Variants in PCDH15 observed in about 807,000 individuals in gnomAD.
The protein encoded by PCDH15 is protocadherin related 15.
A neutral mutation model predicts 178.5 loss-of-function variants in PCDH15; 129 were observed. That is an observed-to-expected ratio of 0.72 (90% CI 0.63 to 0.84). The LOEUF (loss-of-function observed/expected upper bound fraction) is 0.84, where lower values mean the gene tolerates loss of function less well. Ranked by LOEUF, PCDH15 falls within the 40% of genes least tolerant of loss-of-function variation. The probability of loss-of-function intolerance (pLI) is 0.00; values close to 1 mark genes in which losing one functional copy is unlikely to be tolerated. For synonymous variants in PCDH15, 800 were observed against 732.0 expected, an observed-to-expected ratio of 1.09 and a Z score of -1.50; for missense variants, 2,230 against 2,099.9, an observed-to-expected ratio of 1.06 and a Z score of -1.21.
At chr10:54,266,258 C>A (rs1010481717) in intron 8 of PCDH15, among the ~76,000 whole-genome samples, 2 of 151,452 alleles carry the variant, frequency 1.3e-5, no homozygotes, top group Non-Finnish European at 3.0e-5. Context: ...ACTTTTTAAA[C>A]AAATGAAAAC....
At chr10:55,516,557 T>C (rs1035657219) in intron 2 of PCDH15, among the ~76,000 whole-genome samples, 2 of 152,152 alleles carry the variant, frequency 1.3e-5, no homozygotes, top group Non-Finnish European at 2.9e-5. Context: ...CCCTTGGAGA[T>C]GGCAGAAGAC....
intron 2 of PCDH15, among the ~76,000 whole-genome samples, chr10:55,108,464 A>G (rs1043811219): frequency 6.6e-6 from 1 of 152,212 alleles, no homozygotes; most frequent in Non-Finnish European, 1.5e-5. Flanking sequence ...AAATGACTAA[A>G]TATGCAAAGT....
intron 15 of PCDH15, among the ~76,000 whole-genome samples, chr10:54,105,277 GATATATATATATATATATATATATATAT>G (rs55696020): frequency 3.3e-5 from 3 of 90,472 alleles, no homozygotes; most frequent in African/African-American, 7.5e-5. Context: ...TATAGATGGA[GATATATATATATATATATATATATATAT>G]ATATATATAT....
intron 1 of PCDH15, among the ~76,000 whole-genome samples, chr10:55,203,587 T>C (rs1001321048): frequency 6.6e-6 from 1 of 152,080 alleles, no homozygotes; most frequent in African/African-American, 2.4e-5. Context: ...TTTTCTGTCA[T>C]CTCAGAATAA....
intron 2 of PCDH15, among the ~76,000 whole-genome samples, chr10:55,438,419 A>G (rs1262866048): frequency 6.6e-6 from 1 of 152,178 alleles, no homozygotes; most frequent in Non-Finnish European, 1.5e-5. Context: ...CCAGCTCAGT[A>G]TCTACATTGT....
At chr10:55,077,020 G>A (rs1841909570) in intron 2 of PCDH15, among the ~76,000 whole-genome samples, 1 of 151,796 alleles carries the variant, frequency 6.6e-6, no homozygotes, top group African/African-American at 2.4e-5. Context: ...GCCCGCCTCA[G>A]CCTCCCAAAG....
chr10:54,663,087 G>A (rs1159776002), intron 2 of PCDH15, among the ~76,000 whole-genome samples: 2 of 151,904 alleles, frequency 1.3e-5, no homozygotes, highest in Admixed American at 6.6e-5. Context: ...GAATTATTTT[G>A]CAAATCCCAA....
chr10:54,290,861 T>C (rs1591616662), intron 8 of PCDH15, among the ~76,000 whole-genome samples: 1 of 152,126 alleles, frequency 6.6e-6, no homozygotes, highest in African/African-American at 2.4e-5. Context: ...CCTAAATATA[T>C]ATGCACCTAA....
At chr10:54,163,078 A>C in intron 13 of PCDH15, among the ~76,000 whole-genome samples, 1 of 152,158 alleles carries the variant, frequency 6.6e-6, no homozygotes, top group Non-Finnish European at 1.5e-5. Context: ...CTCAAGGGCA[A>C]TTATAAGGAT....
chr10:55,464,062 A>AAAG (rs1839774090), intron 2 of PCDH15, among the ~76,000 whole-genome samples: 1 of 124,156 alleles, frequency 8.1e-6, no homozygotes, highest in Non-Finnish European at 1.7e-5. Flanking sequence ...AGAAAGAAAG[A>AAAG]AAAGGAAAGA....
intron 15 of PCDH15, among the ~76,000 whole-genome samples, chr10:54,125,708 A>C (rs1473875473): frequency 6.6e-6 from 1 of 152,122 alleles, no homozygotes. Context: ...CTTTGTTGGG[A>C]GTATTAAAAA....
chr10:55,622,488 T>A (rs1231490867), intron 2 of PCDH15, among the ~76,000 whole-genome samples: 1 of 152,060 alleles, frequency 6.6e-6, no homozygotes, highest in South Asian at 2.1e-4. Context: ...GATTTGTTCA[T>A]CTTCAAAACA....
intron 2 of PCDH15, among the ~76,000 whole-genome samples, chr10:55,056,653 G>A (rs1841313580): frequency 7.3e-6 from 1 of 137,020 alleles, no homozygotes; most frequent in Non-Finnish European, 1.6e-5. Context: ...AATATTTTGA[G>A]ACGGAGTCTT....
chr10:54,907,594 T>C (rs1036498085), intron 2 of PCDH15, among the ~76,000 whole-genome samples: 1 of 152,144 alleles, frequency 6.6e-6, no homozygotes, highest in East Asian at 1.9e-4. Flanking sequence ...CTATTGTCAT[T>C]GTTAAGGCCC....
At chr10:54,601,327 T>G (rs1001612671) in intron 2 of PCDH15, among the ~76,000 whole-genome samples, 3 of 148,802 alleles carry the variant, frequency 2.0e-5, no homozygotes, top group African/African-American at 7.3e-5. Context: ...TTTAAACAAA[T>G]TTACAGGAAA....
chr10:54,928,348 T>TTC (rs1837682954), intron 2 of PCDH15, among the ~76,000 whole-genome samples: 1 of 152,100 alleles, frequency 6.6e-6, no homozygotes, highest in South Asian at 2.1e-4. Flanking sequence ...GACCTGACCT[T>TTC]TCTCTCTAGC....
intron 15 of PCDH15, among the ~76,000 whole-genome samples, chr10:54,096,061 C>A (rs915522279): frequency 6.6e-6 from 1 of 152,112 alleles, no homozygotes; most frequent in Admixed American, 6.6e-5. Context: ...CCCTATTTTA[C>A]ACATAATAAA....
chr10:53,938,092 G>T (rs2085731269), intron 25 of PCDH15, among the ~76,000 whole-genome samples: 1 of 151,982 alleles, frequency 6.6e-6, no homozygotes, highest in Admixed American at 6.6e-5. Flanking sequence ...AGCATTTATT[G>T]CATTATTGAT....
At chr10:54,484,409 G>A (rs1347875585) in intron 3 of PCDH15, among the ~76,000 whole-genome samples, 4 of 151,840 alleles carry the variant, frequency 2.6e-5, no homozygotes, top group East Asian at 1.9e-4. Context: ...CCCAGTTAGC[G>A]TGTTTTCACT....
Sources: gnomAD v4.1 joint callset for allele counts (sites outside exome capture counted in the v4.1 genomes callset) on GRCh38, gnomAD v4.1.1 for gene constraint, MANE v1.5 for transcripts, NCBI Gene and HGNC (gene_info 2026-07-23, HGNC 2026-07-21) for gene names.